The following DCDC1 variants were observed in gnomAD, a reference collection of about 807,000 sequenced individuals.
DCDC1 encodes doublecortin domain containing 1, also known as doublecortin domain-containing protein 1.
DCDC1 carries 200 observed loss-of-function variants against 178.3 expected under a neutral mutation model. The ratio of observed to expected loss-of-function variants is 1.12; its 90% CI spans 1.00 to 1.26. The LOEUF is 1.26. Among genes scored for constraint, DCDC1 ranks in the 50% most tolerant of loss-of-function variants. The probability of loss-of-function intolerance (pLI) is 0.00; values close to 1 mark genes in which losing one functional copy is unlikely to be tolerated. For synonymous variants in DCDC1, 690 were observed against 604.8 expected (o/e 1.14, Z -2.07); for missense variants, 1,983 against 1,749.2 (o/e 1.13, Z -2.38).
intron 9 of DCDC1, among the ~76,000 whole-genome samples, chr11:31,175,883 C>T (rs1260844480): frequency 6.6e-6 from 1 of 152,184 alleles, no homozygotes; most frequent in Non-Finnish European, 1.5e-5. Flanking sequence ...ACCCAACAGA[C>T]ACCTATCTAC....
intron 20 of DCDC1, among the ~76,000 whole-genome samples, chr11:30,957,015 C>T (rs185804309): frequency 3.8e-4 from 58 of 152,252 alleles, no homozygotes; most frequent in African/African-American, 1.3e-3. Context: ...TCCTCATCCT[C>T]CCACCAGCAA....
intron 20 of DCDC1, among the ~76,000 whole-genome samples, chr11:31,054,455 C>T (rs763596147): frequency 1.9e-4 from 29 of 152,064 alleles, no homozygotes; most frequent in Non-Finnish European, 3.2e-4. Flanking sequence ...CATCAAAATA[C>T]CACCATCATT....
At chr11:31,225,550 T>C (rs1236316628) in intron 9 of DCDC1, among the ~76,000 whole-genome samples, 1 of 150,796 alleles carries the variant, frequency 6.6e-6, no homozygotes, top group Non-Finnish European at 1.5e-5. Context: ...TATATACATA[T>C]AAATATGTAA....
In DCDC1 at chr11:31,195,679, C is replaced by T. The variant is rs192808846; in HGVS notation, c.1221+45771G>A. Among the ~76,000 whole-genome samples the T allele has an allele frequency of 4.5e-3, 679 of 152,034 alleles. 6 individuals carry two copies. Among genetic ancestry groups the T allele is most frequent in the Non-Finnish European group, 8.1e-3 (547 of 67,950 alleles). ...TCCTTACCTTCAAAACACTTACCAA[C>T]GTTTCTAATATATATTTATATGTAT... On this transcript the variant is annotated intron_variant, in intron 9 of 38. Transcript: ENST00000684477.
intron 7 of DCDC1, among the ~76,000 whole-genome samples, chr11:31,283,893 G>C (rs1175385995): frequency 6.6e-6 from 1 of 151,866 alleles, no homozygotes; most frequent in Non-Finnish European, 1.5e-5. Flanking sequence ...CTAGAACTTT[G>C]ATGTCTTTCT....
intron 9 of DCDC1, among the ~76,000 whole-genome samples, chr11:31,181,596 C>A (rs1487599227): frequency 6.6e-6 from 1 of 152,168 alleles, no homozygotes; most frequent in Non-Finnish European, 1.5e-5. Flanking sequence ...GGACCTCCAG[C>A]AAACTCTAAC....
intron 25 of DCDC1, among the ~76,000 whole-genome samples, chr11:30,918,366 T>G (rs7939431): frequency 1.3e-5 from 2 of 152,284 alleles, no homozygotes; most frequent in East Asian, 1.9e-4. Flanking sequence ...TTAATCAATA[T>G]TTATTGAACA....
At chr11:31,067,831 A>G (rs564370361) in intron 18 of DCDC1, among the ~76,000 whole-genome samples, 2 of 152,200 alleles carry the variant, frequency 1.3e-5, no homozygotes, top group African/African-American at 4.8e-5. Flanking sequence ...TGAAATGTCC[A>G]GAATGGGCAA....
intron 17 of DCDC1, among the ~76,000 whole-genome samples, chr11:31,085,054 C>T (rs1376817010): frequency 6.6e-6 from 1 of 151,746 alleles, no homozygotes; most frequent in Non-Finnish European, 1.5e-5. Flanking sequence ...CCATTTTGAC[C>T]TAGGCCATTG....
At chr11:31,007,472 G>C (rs1052631856) in intron 20 of DCDC1, among the ~76,000 whole-genome samples, 1 of 152,128 alleles carries the variant, frequency 6.6e-6, no homozygotes, top group Non-Finnish European at 1.5e-5. Flanking sequence ...ACACTCCAAC[G>C]CTGATATACT....
chr11:31,167,041 G>A (rs1019256839), intron 9 of DCDC1, among the ~76,000 whole-genome samples: 1 of 152,156 alleles, frequency 6.6e-6, no homozygotes, highest in Non-Finnish European at 1.5e-5. Flanking sequence ...TAGGCTGTCT[G>A]TAATACTGTA....
At chr11:30,873,063 G>GTC (rs751867014) in intron 38 of DCDC1, among the ~76,000 whole-genome samples, 13 of 146,998 alleles carry the variant, frequency 8.8e-5, no homozygotes, top group African/African-American at 1.2e-4. Flanking sequence ...ATACAAGCTG[G>GTC]TCTCTCTCTC....
chr11:31,162,009 T>C (rs922734620), intron 9 of DCDC1, among the ~76,000 whole-genome samples: 8 of 152,212 alleles, frequency 5.3e-5, no homozygotes, highest in Non-Finnish European at 1.2e-4. Context: ...TGAAATAGTT[T>C]AGTGCTCAAA....
chr11:31,028,024 C>G (rs975561392), intron 20 of DCDC1, among the ~76,000 whole-genome samples: 1 of 151,538 alleles, frequency 6.6e-6, no homozygotes, highest in African/African-American at 2.4e-5. Flanking sequence ...CATAGATATG[C>G]CCTTCTGTAT....
At chr11:31,122,192 T>G (rs1960911600) in intron 11 of DCDC1, among the ~76,000 whole-genome samples, 1 of 152,116 alleles carries the variant, frequency 6.6e-6, no homozygotes, top group Non-Finnish European at 1.5e-5. Context: ...TGTCTTCAGT[T>G]GGAATTAGCA....
At chr11:31,094,827 G>C (rs527740221) in intron 15 of DCDC1, among the ~76,000 whole-genome samples, 51 of 152,060 alleles carry the variant, frequency 3.4e-4, no homozygotes, top group Non-Finnish European at 5.9e-4. Flanking sequence ...AAGTTCTGGG[G>C]TACATGTGCA....
Position 31,341,388 on chromosome 11 carries a change from T to C in DCDC1, c.-124-5824A>G, listed in dbSNP as rs180968202. ...AGAATGGAAATTCCAGTTTTATAGA[T>C]AGATAGATAGATAGATAGATAGATA... On this transcript the variant is annotated intron_variant, in intron 1 of 38. Transcript: ENST00000684477. Among the ~76,000 whole-genome samples the C allele has an allele frequency of 5.5e-5, 6 of 109,674 alleles. No homozygotes were observed. In the Admixed American group the frequency reaches 6.2e-4, roughly 11 times the overall value. The allele number at this position is 109,674 out of a possible 152,430, so 72.0% of individuals were successfully genotyped here.
At chr11:31,298,420 T>G (rs1406371408) in intron 6 of DCDC1, among the ~76,000 whole-genome samples, 3 of 149,992 alleles carry the variant, frequency 2.0e-5, no homozygotes, top group Non-Finnish European at 4.5e-5. Flanking sequence ...TGGGTTAGGA[T>G]GCAGGTGGTG....
intron 20 of DCDC1, among the ~76,000 whole-genome samples, chr11:31,012,061 C>G (rs1394395635): frequency 6.6e-6 from 1 of 152,154 alleles, no homozygotes; most frequent in Non-Finnish European, 1.5e-5. Flanking sequence ...CTCCTTCGCT[C>G]TCTCTTCCTC....
Sources: allele counts gnomAD v4.1 joint callset (sites outside exome capture counted in the v4.1 genomes callset), GRCh38; gene constraint gnomAD v4.1.1; transcripts MANE v1.5; gene names NCBI Gene and HGNC (gene_info 2026-07-23, HGNC 2026-07-21).